CTNNA3: variants seen among roughly 807,000 people sequenced by gnomAD.
CTNNA3 encodes the protein catenin alpha-3.
CTNNA3 carries 76 observed loss-of-function variants against 95.7 expected under a neutral mutation model. The observed-to-expected ratio is 0.79, with a 90% CI of 0.66 to 0.96. The LOEUF (loss-of-function observed/expected upper bound fraction) is 0.96. Ranked by LOEUF, CTNNA3 falls within the 40% of genes least tolerant of loss-of-function variation. The pLI is 0.00. For synonymous variants in CTNNA3, 431 were observed against 374.4 expected, an observed-to-expected ratio of 1.15 and a Z score of -1.74; for missense variants, 1,191 against 1,089.8, an observed-to-expected ratio of 1.09 and a Z score of -1.31.
intron 3 of CTNNA3, 96 bp from the exon 4 acceptor site, chr10:67,539,765 C>A: frequency 6.8e-6 from 7 of 1,030,608 alleles, no homozygotes; most frequent in Non-Finnish European, 9.9e-6. Flanking sequence ...AATTCCAAGA[C>A]TAAGCATAAT....
chr10:66,712,745 C>T (rs1473476957), intron 9 of CTNNA3, among the ~76,000 whole-genome samples: 3 of 152,110 alleles, frequency 2.0e-5, no homozygotes, highest in Non-Finnish European at 4.4e-5. Flanking sequence ...TTGAGCAACA[C>T]TTTTTCATGC....
At chr10:67,504,435 CAAA>C (rs60719599) in intron 5 of CTNNA3, among the ~76,000 whole-genome samples, 1 of 16,154 alleles carries the variant, frequency 6.2e-5, no homozygotes, top group African/African-American at 2.3e-4. Flanking sequence ...GACTCCATCT[CAAA>C]AAAAAAAAAA....
Position 66,441,229 on chromosome 10 carries a change from A to G in CTNNA3, c.1532-61877T>C, listed in dbSNP as rs61867210. 1.1e-4 allele frequency among the ~76,000 whole-genome samples: 16 copies of G among 151,992 alleles called. No individual in the cohort carries two copies. The South Asian group carries it at 2.5e-3, about 24-fold the overall frequency. On this transcript the variant is annotated intron_variant, in intron 11 of 17. Coordinates refer to ENST00000433211, the MANE Select transcript of CTNNA3 (RefSeq NM_013266.4). ...ATCAACACTAATGGTTGCTTTTCTG[A>G]TGGTGCTTGCTGTCTAATACAAGAA... is the stretch of plus-strand genomic sequence containing the variant.
Position 66,242,778 on chromosome 10 carries a change from A to G in CTNNA3, c.1884+37692T>C, listed in dbSNP as rs369688537. Among the ~76,000 whole-genome samples, 47 of 152,316 alleles carry G rather than the reference A, an allele frequency of 3.1e-4. No individual in the cohort carries two copies. The South Asian group carries it at 9.1e-3, about 30-fold the overall frequency. ...AATTCATTACTAACAATAAAATTTA[A>G]GCAGGAGAAATAAAAATTCCCTTGA... On this transcript the variant is annotated intron_variant, in intron 13 of 17. Transcript: ENST00000433211.
At chr10:66,152,168 T>G (rs2084236852) in intron 13 of CTNNA3, among the ~76,000 whole-genome samples, 1 of 151,884 alleles carries the variant, frequency 6.6e-6, no homozygotes, top group Non-Finnish European at 1.5e-5. Context: ...CTACTAAACT[T>G]GACAGAAATA....
At chr10:66,367,866 A>G (rs867638853) in intron 12 of CTNNA3, among the ~76,000 whole-genome samples, 7,046 of 55,730 alleles carry the variant, frequency 0.13, 624 homozygotes, top group African/African-American at 0.3. Context: ...AATAATAATA[A>G]TAATAATAAT....
At chr10:67,587,710 TG>T in intron 3 of CTNNA3, among the ~76,000 whole-genome samples, 1 of 152,170 alleles carries the variant, frequency 6.6e-6, no homozygotes, top group Admixed American at 6.5e-5. Context: ...TGTATTTATT[TG>T]GGGATCACTG....
intron 5 of CTNNA3, among the ~76,000 whole-genome samples, chr10:67,367,444 G>A (rs1843258180): frequency 6.6e-6 from 1 of 151,850 alleles, no homozygotes; most frequent in African/African-American, 2.4e-5. Context: ...ACAGAGAAAA[G>A]TAAATGCCTA....
At chr10:66,255,839 C>T (rs1002997488) in intron 13 of CTNNA3, among the ~76,000 whole-genome samples, 3 of 152,180 alleles carry the variant, frequency 2.0e-5, no homozygotes, top group Non-Finnish European at 2.9e-5. Context: ...TTCATTTAGC[C>T]AGGAGCACTC....
At chr10:67,098,688 C>A (rs1029646345) in intron 7 of CTNNA3, 1 of 152,292 alleles carries the variant, frequency 6.6e-6, no homozygotes, top group Non-Finnish European at 1.5e-5. Flanking sequence ...CAGCAACAGA[C>A]TTTGTGATAC....
At chr10:66,578,865 C>A in intron 10 of CTNNA3, among the ~76,000 whole-genome samples, 1 of 150,180 alleles carries the variant, frequency 6.7e-6, no homozygotes, top group East Asian at 2.0e-4. Context: ...AAAGAATAAG[C>A]TAGAGAATCC....
intron 3 of CTNNA3, among the ~76,000 whole-genome samples, chr10:67,555,870 AG>A (rs1432081740): frequency 6.6e-6 from 1 of 152,220 alleles, no homozygotes; most frequent in Admixed American, 6.5e-5. Flanking sequence ...TTGCCCATTC[AG>A]TATGATATTG....
chr10:66,635,720 T>C (rs1475386087), intron 9 of CTNNA3, among the ~76,000 whole-genome samples: 1 of 152,086 alleles, frequency 6.6e-6, no homozygotes, highest in Non-Finnish European at 1.5e-5. Flanking sequence ...AATCACGAAA[T>C]ACACACCCAG....
intron 14 of CTNNA3, among the ~76,000 whole-genome samples, chr10:66,089,402 A>C (rs1435202282): frequency 6.8e-5 from 9 of 131,446 alleles, no homozygotes; most frequent in South Asian, 2.4e-4. Flanking sequence ...TTCCTTCCTT[A>C]CTCCCTTCCT....
At chr10:66,346,246 T>TATATAGAGAG (rs1416945569) in intron 12 of CTNNA3, among the ~76,000 whole-genome samples, 12 of 27,778 alleles carry the variant, frequency 4.3e-4, no homozygotes, top group South Asian at 1.4e-3. Context: ...TATATATATA[T>TATATAGAGAG]AGAGAGAGAG....
chr10:66,550,916 C>T (rs1351300512), intron 10 of CTNNA3, among the ~76,000 whole-genome samples: 1 of 151,748 alleles, frequency 6.6e-6, no homozygotes, highest in Non-Finnish European at 1.5e-5. Flanking sequence ...CGTAGAAATG[C>T]TGCTACTTTA....
chr10:67,380,761 T>C (rs1366721318), intron 5 of CTNNA3, among the ~76,000 whole-genome samples: 3 of 152,202 alleles, frequency 2.0e-5, no homozygotes, highest in Non-Finnish European at 4.4e-5. Context: ...ACAGAACTGA[T>C]ATGATTTGAG....
At chr10:65,923,941 T>C (rs2077127135) in intron 17 of CTNNA3, among the ~76,000 whole-genome samples, 2 of 152,256 alleles carry the variant, frequency 1.3e-5, no homozygotes, top group Admixed American at 1.3e-4. Flanking sequence ...AAGGAGATAC[T>C]CTAGGCCAGA....
chr10:67,208,378 CA>C (rs3056794), intron 6 of CTNNA3, among the ~76,000 whole-genome samples: 4,217 of 93,148 alleles, frequency 0.045, 147 homozygotes, highest in African/African-American at 0.13. Flanking sequence ...GACTCTGTCT[CA>C]AAAAAAAAAA....
Sources: allele counts gnomAD v4.1 joint callset (sites outside exome capture counted in the v4.1 genomes callset), GRCh38; gene constraint gnomAD v4.1.1; transcripts MANE v1.5; gene names NCBI Gene and HGNC (gene_info 2026-07-23, HGNC 2026-07-21).